Variants in CDC23 observed in about 807,000 individuals in gnomAD.
CDC23 encodes cell division cycle protein 23 homolog.
Under a neutral mutation model 81.7 loss-of-function variants are expected in CDC23, and 26 were observed. The ratio of observed to expected loss-of-function variants is 0.32; its 90% confidence interval spans 0.23 to 0.44. CDC23 has a LOEUF of 0.44. CDC23 is among the 20% of genes least tolerant of loss of function. CDC23 has a pLI of 1.00. For missense variants in CDC23, 519 were observed against 728.0 expected, an observed-to-expected ratio of 0.71 and a Z score of 3.30; for synonymous variants, 267 against 270.8, an observed-to-expected ratio of 0.99 and a Z score of 0.14.
In CDC23 at chr5:138,189,155, CAA is replaced by C. The variant is rs942364567; in HGVS notation, c.1624-9_1624-8del. The C allele has an allele frequency of 3.4e-5, 55 of 1,610,900 alleles. No homozygotes were observed. Among genetic ancestry groups the C allele is most frequent in the Non-Finnish European group, 4.2e-5 (50 of 1,178,638 alleles). ...CCTTACCTTCTTCCCGGGTCTGCAACAAAGTCAGGGAAATGTTTCAAAACATG... is the reference window on the plus strand; with the variant it reads ...CCTTACCTTCTTCCCGGGTCTGCAACAGTCAGGGAAATGTTTCAAAACATG... On this transcript the variant is annotated splice_polypyrimidine_tract_variant and splice_region_variant and intron_variant, in intron 15 of 15. Transcript: ENST00000394886.
chr5:138,200,443 A>G (rs899357694), intron 6 of CDC23, among the ~76,000 whole-genome samples: 3 of 152,108 alleles, frequency 2.0e-5, no homozygotes, highest in Admixed American at 1.3e-4. Context: ...TAATGTTTTA[A>G]TACAATTCTT....
intron 9 of CDC23, among the ~76,000 whole-genome samples, chr5:138,194,941 C>T (rs1254671605): frequency 6.6e-6 from 1 of 151,552 alleles, no homozygotes; most frequent in Non-Finnish European, 1.5e-5. Context: ...AGGCTGGTCT[C>T]GAACTCCTGA....
At chr5:138,213,096 C>A (rs748866740) in intron 1 of CDC23, 33 bp from the exon 2 acceptor site, 2 of 1,614,104 alleles carry the variant, frequency 1.2e-6, no homozygotes, top group Non-Finnish European at 1.7e-6. Flanking sequence ...ATCAGCTCGA[C>A]AAGCCCCCCA....
rs769808435 is a variant in CDC23, at chr5:138,198,486, C to T, written c.870G>A (p.Arg290=). ...TTTCAATCCTGTAAGGGTCTTGTTTCCTTAGCTCATTAAAAATGGAGAGGG... is the reference window on the plus strand; with the variant it reads ...TTTCAATCCTGTAAGGGTCTTGTTTTCTTAGCTCATTAAAAATGGAGAGGG... The part of the protein sequence containing the change: ...DKALSIFNEL[R]KQDPYRIENM... Residue 290 remains arginine, a synonymous_variant, in exon 8 of 16, where the codon AGG becomes AGA. Coordinates refer to ENST00000394886, the MANE Select transcript of CDC23 (RefSeq NM_004661.4). 2 of 1,614,108 alleles carry T rather than the reference C, an allele frequency of 1.2e-6. No homozygotes were observed. Among genetic ancestry groups the T allele is most frequent in the South Asian group, 2.2e-5 (2 of 91,074 alleles).
At chr5:138,201,706 A>C (rs1375739390) in intron 4 of CDC23, among the ~76,000 whole-genome samples, 1 of 152,192 alleles carries the variant, frequency 6.6e-6, no homozygotes, top group Non-Finnish European at 1.5e-5. Flanking sequence ...TGAAACCTCT[A>C]GCAAACACAA....
intron 2 of CDC23, among the ~76,000 whole-genome samples, chr5:138,210,459 G>A (rs1755101939): frequency 6.6e-6 from 1 of 152,200 alleles, no homozygotes; most frequent in Admixed American, 6.5e-5. Flanking sequence ...CTGGGAGGCA[G>A]AGGCTGCAGT....
chr5:138,190,740 C>CA (rs1349871392), intron 13 of CDC23, among the ~76,000 whole-genome samples: 33 of 145,610 alleles, frequency 2.3e-4, no homozygotes, highest in Admixed American at 6.2e-4. Context: ...GACTCCGTCT[C>CA]AAAAAAAAAA....
At position 138,189,052 on chromosome 5, in the gene CDC23, GT is replaced by G; in HGVS notation, c.1719del (p.Pro574LeufsTer126). The G allele has an allele frequency of 6.2e-7, 1 of 1,614,126 alleles. No individual in the cohort carries two copies. The highest frequency in any genetic ancestry group is 8.5e-7 in the Non-Finnish European group (1 of 1,180,000). Reference sequence around the variant, plus strand: ...GTATTGTTAGCAGAGAGTGAAGCAGGTAGGAAAAAGGGAGCAGGCACCTCGG... The same window carrying G: ...GTATTGTTAGCAGAGAGTGAAGCAGGAGGAAAAAGGGAGCAGGCACCTCGG... ...PTTEVPAPFF[L>X]PASLSANNTP... is the part of the protein sequence containing the mutation. On this transcript the variant is annotated frameshift_variant, in exon 16 of 16. Transcript: ENST00000394886. LOFTEE classifies it high-confidence loss of function.
chr5:138,201,463 G>C lies in CDC23; in HGVS notation c.416-15C>G, dbSNP rs1411246079. The C allele has an allele frequency of 6.4e-7, 1 of 1,561,300 alleles. No individual in the cohort carries two copies. The highest frequency in any genetic ancestry group is 1.4e-5 in the African/African-American group (1 of 73,580). ...TTCCAGGGGGCCTAGGAAAGAAACA[G>C]AGTCTCTGTTCTAAGGTTAGGATGC... On this transcript the variant is annotated splice_polypyrimidine_tract_variant and intron_variant, in intron 4 of 15. Transcript: ENST00000394886.
chr5:138,196,589 C>CT lies in CDC23; in HGVS notation c.1012+1609dup, dbSNP rs923629093. On this transcript the variant is annotated intron_variant, in intron 9 of 15. Coordinates refer to ENST00000394886, the MANE Select transcript of CDC23 (RefSeq NM_004661.4). The stretch of plus-strand genomic sequence containing the variant: ...GGCGCTGTGAGCCCCCGTGCCCGGC[C>CT]TTTTTTTTTGAGATGGAGTCTCACT... 3.1e-4 allele frequency among the ~76,000 whole-genome samples: 39 copies of CT among 127,522 alleles called. 1 individual carries two copies. Among genetic ancestry groups the CT allele is most frequent in the African/African-American group, 1.0e-3 (34 of 33,350 alleles). The allele number at this position is 127,522 out of a possible 152,430, so 83.7% of individuals were successfully genotyped here. A position where few individuals can be genotyped will look rare whatever the true frequency, so the allele number is the denominator to read the frequency against.
chr5:138,208,127 A>G (rs913375341), intron 2 of CDC23, among the ~76,000 whole-genome samples: 1 of 151,882 alleles, frequency 6.6e-6, no homozygotes, highest in East Asian at 1.9e-4. Flanking sequence ...ATGCCTGGCT[A>G]ATTTTTGTAT....
chr5:138,197,214 G>A (rs60385426), intron 9 of CDC23, among the ~76,000 whole-genome samples: 1 of 145,468 alleles, frequency 6.9e-6, no homozygotes, highest in Non-Finnish European at 1.5e-5. Context: ...GCTGAGGCAG[G>A]AGAATGGTGT....
intron 9 of CDC23, among the ~76,000 whole-genome samples, chr5:138,193,188 A>G (rs888750071): frequency 7.2e-5 from 11 of 152,212 alleles, no homozygotes; most frequent in African/African-American, 2.7e-4. Context: ...TCAGCCTCCC[A>G]AAGTGCTGGA....
At position 138,201,417 on chromosome 5, in the gene CDC23, C is replaced by T; in HGVS notation, c.447G>A (p.Glu149=). 1.2e-6 allele frequency: 2 copies of T among 1,614,086 alleles called. No homozygotes were observed. Among genetic ancestry groups the T allele is most frequent in the Non-Finnish European group, 1.7e-6 (2 of 1,179,994 alleles). The part of the protein sequence containing the change: ...GPLEKGQVKN[E]ALRELRVELS... ...GCTCCACTCTCAATTCTCTAAGCGCCTCATTTTTCACTTGTCCTTTTTCCA... is the reference window on the plus strand; with the variant it reads ...GCTCCACTCTCAATTCTCTAAGCGCTTCATTTTTCACTTGTCCTTTTTCCA... Residue 149 remains glutamate (E), a synonymous_variant, in exon 5 of 16, where the codon GAG becomes GAA. Transcript: ENST00000394886.
intron 9 of CDC23, among the ~76,000 whole-genome samples, chr5:138,197,114 G>A (rs1429213869): frequency 2.7e-5 from 4 of 149,770 alleles, no homozygotes; most frequent in Non-Finnish European, 5.9e-5. Context: ...AAAAAGAATC[G>A]TTGTAGTAGT....
intron 3 of CDC23, among the ~76,000 whole-genome samples, chr5:138,205,696 G>GAAAAA (rs35284930): frequency 7.9e-6 from 1 of 126,984 alleles, no homozygotes; most frequent in South Asian, 2.4e-4. Context: ...TGGTAAATTG[G>GAAAAA]AAAAAAAAAA....
intron 9 of CDC23, among the ~76,000 whole-genome samples, chr5:138,192,961 G>A (rs763869315): frequency 6.6e-6 from 1 of 151,896 alleles, no homozygotes. Flanking sequence ...ACAAAGTCTT[G>A]CTTTGTCACA....
At chr5:138,195,975 C>CT (rs1754900423) in intron 9 of CDC23, among the ~76,000 whole-genome samples, 2 of 150,680 alleles carry the variant, frequency 1.3e-5, no homozygotes, top group Non-Finnish European at 2.9e-5. Flanking sequence ...TCACTCTACT[C>CT]TTAAGATTGT....
rs545018055 is a variant in CDC23 at position 138,196,869 on chromosome 5, C to T, written c.1012+1330G>A. On this transcript the variant is annotated intron_variant, in intron 9 of 15. Coordinates refer to ENST00000394886, the MANE Select transcript of CDC23 (RefSeq NM_004661.4). The stretch of plus-strand genomic sequence containing the variant: ...TGCTGGGATTACAGGTGTGAGCCAC[C>T]GCGCCTGGCCTTTTTTTTTCCTTTT... 3.6e-3 allele frequency among the ~76,000 whole-genome samples: 537 copies of T among 149,596 alleles called. 15 individuals are homozygous for T. Among genetic ancestry groups the T allele is most frequent in the African/African-American group, 0.013 (509 of 40,246 alleles).
Sources: gnomAD v4.1 joint callset for allele counts (sites outside exome capture counted in the v4.1 genomes callset) on GRCh38, gnomAD v4.1.1 for gene constraint, MANE v1.5 for transcripts, NCBI Gene and HGNC (gene_info 2026-07-23, HGNC 2026-07-21) for gene names.